The following COL13A1 variants were observed in gnomAD, a reference collection of about 807,000 sequenced individuals.
COL13A1 encodes collagen type XIII alpha 1 chain.
COL13A1 carries 89 observed loss-of-function variants against 130.9 expected under a neutral mutation model. The ratio of observed to expected loss-of-function variants is 0.68; its 90% CI spans 0.57 to 0.81. The LOEUF (loss-of-function observed/expected upper bound fraction) is 0.81. Ranked by LOEUF, COL13A1 falls within the 30% of genes least tolerant of loss-of-function variation. The probability of loss-of-function intolerance (pLI) is 0.00; values close to 1 mark genes in which losing one functional copy is unlikely to be tolerated. For missense variants in COL13A1, 879 were observed against 934.6 expected, an observed-to-expected ratio of 0.94 and a Z score of 0.78; for synonymous variants, 402 against 341.6, an observed-to-expected ratio of 1.18 and a Z score of -1.95.
intron 2 of COL13A1, chr10:69,824,100 T>C (rs1846870468): frequency 2.1e-6 from 1 of 472,200 alleles, no homozygotes; most frequent in African/African-American, 2.0e-5. Flanking sequence ...ACCAGTCTTA[T>C]GACCTTCAGA....
At chr10:69,877,981 C>CT (rs1277191087) in intron 5 of COL13A1, 58 bp from the exon 6 acceptor site, 2 of 699,334 alleles carry the variant, frequency 2.9e-6, no homozygotes, top group Non-Finnish European at 5.2e-6. Flanking sequence ...CTCATCCCCT[C>CT]TTTTTTCTCT....
chr10:69,954,817 A>G (rs945441876), intron 39 of COL13A1: 3 of 152,252 alleles, frequency 2.0e-5, no homozygotes, highest in Admixed American at 6.5e-5. Context: ...GAGAGACGGA[A>G]AGGTCAAGAA....
intron 38 of COL13A1, among the ~76,000 whole-genome samples, chr10:69,948,431 C>T (rs539606135): frequency 3.9e-5 from 6 of 152,280 alleles, no homozygotes; most frequent in South Asian, 2.1e-4. Context: ...CAGTTTGTCC[C>T]GCATCTTCTA....
intron 37 of COL13A1, among the ~76,000 whole-genome samples, chr10:69,946,159 C>T (rs538330510): frequency 6.6e-6 from 1 of 152,034 alleles, no homozygotes; most frequent in South Asian, 2.1e-4. Context: ...CTCTCATTTC[C>T]ATGACAGACA....
intron 21 of COL13A1, among the ~76,000 whole-genome samples, chr10:69,920,571 G>T (rs190726975): frequency 7.3e-4 from 111 of 152,314 alleles, no homozygotes; most frequent in African/African-American, 2.6e-3. Context: ...CCTAGAAGAA[G>T]GGGAAGAAAG....
chr10:69,923,227 G>T (rs2064918871), intron 23 of COL13A1, among the ~76,000 whole-genome samples: 1 of 152,200 alleles, frequency 6.6e-6, no homozygotes, highest in African/African-American at 2.4e-5. Context: ...TAGGTTGCAG[G>T]TCAACTATCA....
intron 24 of COL13A1, among the ~76,000 whole-genome samples, chr10:69,924,233 T>C (rs889068783): frequency 2.6e-5 from 4 of 152,238 alleles, no homozygotes; most frequent in African/African-American, 9.6e-5. Context: ...CAGCAGTGGC[T>C]CCACGTCCCG....
chr10:69,918,484 T>C (rs1280261998), intron 19 of COL13A1, among the ~76,000 whole-genome samples, 167 bp downstream of exon 19: 3 of 152,210 alleles, frequency 2.0e-5, no homozygotes, highest in Non-Finnish European at 4.4e-5. Flanking sequence ...TGCATAACCT[T>C]GAGCCACAGA....
chr10:69,884,093 G>A (rs2060388966), intron 7 of COL13A1, among the ~76,000 whole-genome samples: 1 of 152,222 alleles, frequency 6.6e-6, no homozygotes, highest in African/African-American at 2.4e-5. Context: ...TTTGCCAGGG[G>A]AGATGAGTTG....
chr10:69,902,254 C>T (rs2135114803), intron 14 of COL13A1, among the ~76,000 whole-genome samples: 1 of 152,328 alleles, frequency 6.6e-6, no homozygotes, highest in East Asian at 1.9e-4. Context: ...CCCATTTGAT[C>T]CTCTGGGTCA....
At chr10:69,882,208 G>A (rs748889049) in intron 7 of COL13A1, among the ~76,000 whole-genome samples, 20 of 152,184 alleles carry the variant, frequency 1.3e-4, no homozygotes, top group Non-Finnish European at 5.9e-5. Flanking sequence ...CAGCATACAG[G>A]CCCTACCCTA....
chr10:69,829,873 G>A (rs1037676302), intron 2 of COL13A1, among the ~76,000 whole-genome samples: 15 of 152,168 alleles, frequency 9.9e-5, no homozygotes, highest in Non-Finnish European at 1.9e-4. Flanking sequence ...GAAATTCCTG[G>A]GGAATTCTCC....
intron 36 of COL13A1, among the ~76,000 whole-genome samples, chr10:69,944,938 C>T (rs1235624375): frequency 6.6e-6 from 1 of 152,240 alleles, no homozygotes; most frequent in Admixed American, 6.5e-5. Context: ...AGCCATAGGC[C>T]AGGCTCCCAC....
intron 1 of COL13A1, among the ~76,000 whole-genome samples, chr10:69,803,173 G>T (rs966715005): frequency 6.6e-6 from 1 of 152,194 alleles, no homozygotes; most frequent in African/African-American, 2.4e-5. Flanking sequence ...GGACCCGGGG[G>T]GTGCGGGGAG....
Position 69,947,314 on chromosome 10 carries a change from A to G in COL13A1, c.2030A>G (p.His677Arg), listed in dbSNP as rs1469138864. ...TCCTCTGATCTCTTGCAGGGTTTACATGGACCACCCGGGGACAAGGGAAAC... is the reference window on the plus strand; with the variant it reads ...TCCTCTGATCTCTTGCAGGGTTTACGTGGACCACCCGGGGACAAGGGAAAC... Reference protein sequence around the residue: ...PTGAAGLPGLHGPPGDKGNRG... With the variant: ...PTGAAGLPGLRGPPGDKGNRG... The change falls in exon 38 of 41, where the codon CAT becomes CGT. Residue 677 changes from histidine (H) to arginine (R), a missense_variant. By Grantham distance (29) the His-to-Arg change is conservative. Transcript: ENST00000645393. The G allele has an allele frequency of 1.9e-6, 3 of 1,613,390 alleles. No individual in the cohort carries two copies. Among genetic ancestry groups the G allele is most frequent in the Non-Finnish European group, 2.5e-6 (3 of 1,179,624 alleles).
chr10:69,855,488 TA>T (rs1856158917), intron 2 of COL13A1, among the ~76,000 whole-genome samples: 1 of 152,156 alleles, frequency 6.6e-6, no homozygotes, highest in African/African-American at 2.4e-5. Context: ...CATATTATAA[TA>T]ACACTCCATA....
chr10:69,913,649 C>A (rs569448896), intron 17 of COL13A1, among the ~76,000 whole-genome samples: 317 of 152,254 alleles, frequency 2.1e-3, no homozygotes, highest in Non-Finnish European at 4.2e-3. Context: ...ACAGCGACGA[C>A]GCTGGAGTCC....
At chr10:69,956,926 C>A in intron 39 of COL13A1, 78 bp from the exon 40 acceptor site, 1 of 1,135,182 alleles carries the variant, frequency 8.8e-7, no homozygotes, top group South Asian at 1.2e-5. Flanking sequence ...ATGCGTGTGG[C>A]CCTTGTTACC....
intron 4 of COL13A1, among the ~76,000 whole-genome samples, chr10:69,872,603 G>A (rs868011352): frequency 3.3e-5 from 5 of 152,298 alleles, no homozygotes; most frequent in Middle Eastern, 6.8e-3. Flanking sequence ...TTCCTCCTAT[G>A]CCTGCTGATA....
Sources: allele counts gnomAD v4.1 joint callset (sites outside exome capture counted in the v4.1 genomes callset), GRCh38; gene constraint gnomAD v4.1.1; transcripts MANE v1.5; gene names NCBI Gene and HGNC (gene_info 2026-07-23, HGNC 2026-07-21).